The following XKR4 variants were observed in gnomAD, a reference collection of about 807,000 sequenced individuals.
XKR4 encodes the protein XK-related protein 4.
XKR4 carries 12 observed loss-of-function variants against 53.9 expected under a neutral mutation model. That is an observed-to-expected ratio of 0.22 (90% CI 0.14 to 0.36). XKR4 has a LOEUF of 0.36. XKR4 is among the 10% of genes least tolerant of loss of function. XKR4 has a pLI of 1.00. For missense variants in XKR4, 799 were observed against 859.5 expected (o/e 0.93, Z 0.88); for synonymous variants, 354 against 362.4 (o/e 0.98, Z 0.26).
intron 2 of XKR4, among the ~76,000 whole-genome samples, chr8:55,407,985 G>A (rs1212492154): frequency 6.6e-6 from 1 of 152,174 alleles, no homozygotes; most frequent in Non-Finnish European, 1.5e-5. Context: ...TCACTAACCT[G>A]AAGATGTGAT....
intron 2 of XKR4, among the ~76,000 whole-genome samples, chr8:55,468,992 ATATT>A (rs1278357489): frequency 3.3e-5 from 5 of 152,116 alleles, no homozygotes; most frequent in Admixed American, 1.3e-4. Flanking sequence ...CTTGGTTTCC[ATATT>A]TATTGGATTT....
intron 1 of XKR4, among the ~76,000 whole-genome samples, chr8:55,108,723 A>G (rs868851253): frequency 6.6e-6 from 1 of 152,180 alleles, no homozygotes; most frequent in Non-Finnish European, 1.5e-5. Flanking sequence ...ATCCATAGAA[A>G]TATATTCCTT....
intron 2 of XKR4, among the ~76,000 whole-genome samples, chr8:55,431,116 T>C (rs148590438): frequency 1.2e-3 from 183 of 152,064 alleles, no homozygotes; most frequent in Non-Finnish European, 2.0e-3. Flanking sequence ...TGTAAAGGAG[T>C]TTGATTAACT....
At position 55,455,157 on chromosome 8, in the gene XKR4, G is replaced by C. The variant is rs577163351; in HGVS notation, c.1007-68124G>C. On this transcript the variant is annotated intron_variant, in intron 2 of 2. Transcript: ENST00000327381. ...CGCGCCATGGGGAGGGACGCTGGGC[G>C]GGCTCCGCGGCTCGGGGACTCGAGG... 1.6e-5 allele frequency: 9 copies of C among 563,194 alleles called. No homozygotes were observed. The Admixed American group carries it at 2.1e-4, about 13-fold the overall frequency. The allele number at this position is 563,194 out of a possible 1,614,324, so 34.9% of individuals were successfully genotyped here.
chr8:55,451,688 AC>A (rs1805449660), intron 2 of XKR4: 1 of 1,488,222 alleles, frequency 6.7e-7, no homozygotes. Context: ...AGCCCCGGGT[AC>A]CTGCGGTAGA....
In XKR4 at chr8:55,530,850, C is replaced by T. The variant is rs1254058442; in HGVS notation, c.*6623C>T. The T allele has an allele frequency of 6.6e-6, 1 of 152,022 alleles. No individual in the cohort carries two copies. Among genetic ancestry groups the T allele is most frequent in the Non-Finnish European group, 1.5e-5 (1 of 68,014 alleles). 9.4% of individuals were successfully genotyped at this position (152,022 alleles called of 1,614,324 possible). ...CAGGTAATTTTTGTGATCAGGATTA[C>T]ACAATACACTTTTTTTTTTCCCTGA... On this transcript the variant is annotated 3_prime_UTR_variant, in exon 3 of 3. Transcript: ENST00000327381.
At chr8:55,341,081 G>A (rs188884540) in intron 1 of XKR4, among the ~76,000 whole-genome samples, 1 of 152,184 alleles carries the variant, frequency 6.6e-6, no homozygotes, top group African/African-American at 2.4e-5. Context: ...ATCATTGGGG[G>A]TGCTGCGGGG....
chr8:55,103,877 A>G (rs1007318799), intron 1 of XKR4, among the ~76,000 whole-genome samples: 23 of 138,578 alleles, frequency 1.7e-4, no homozygotes, highest in African/African-American at 3.6e-4. Flanking sequence ...ATATATATAT[A>G]TATATATATA....
chr8:55,126,944 A>G (rs1816475233), intron 1 of XKR4, among the ~76,000 whole-genome samples: 2 of 152,200 alleles, frequency 1.3e-5, no homozygotes, highest in Non-Finnish European at 2.9e-5. Context: ...CCTTTTTATA[A>G]AACAAAGAGA....
intron 1 of XKR4, among the ~76,000 whole-genome samples, chr8:55,150,094 A>G (rs546540547): frequency 3.9e-5 from 6 of 152,306 alleles, no homozygotes; most frequent in African/African-American, 1.4e-4. Context: ...ATGTGGGACA[A>G]TATTACCTGG....
At chr8:55,130,160 C>A (rs1393153682) in intron 1 of XKR4, among the ~76,000 whole-genome samples, 3 of 152,098 alleles carry the variant, frequency 2.0e-5, no homozygotes, top group African/African-American at 7.2e-5. Flanking sequence ...AAAGATATAG[C>A]AACTTACATT....
chr8:55,354,874 A>G (rs1754835747), intron 1 of XKR4, among the ~76,000 whole-genome samples: 1 of 152,054 alleles, frequency 6.6e-6, no homozygotes, highest in Admixed American at 6.5e-5. Flanking sequence ...TTTGACACAA[A>G]GGATGATGGA....
chr8:55,330,479 A>T (rs182391789), intron 1 of XKR4, among the ~76,000 whole-genome samples: 23 of 152,314 alleles, frequency 1.5e-4, no homozygotes, highest in Middle Eastern at 3.4e-3. Flanking sequence ...CCCACAGAGT[A>T]AAAAATGGAA....
rs1207112119 is a variant in XKR4, at chr8:55,540,505, A to G, written c.*16278A>G. Reference sequence around the variant, plus strand: ...AAGAGCGCAGAAAGAGACCATAGCTATTCTTGGATGAGAACCTTGCCTCTA... The same window carrying G: ...AAGAGCGCAGAAAGAGACCATAGCTGTTCTTGGATGAGAACCTTGCCTCTA... On this transcript the variant is annotated 3_prime_UTR_variant, in exon 3 of 3. Transcript: ENST00000327381. 1 of 152,192 alleles carries G rather than the reference A, an allele frequency of 6.6e-6. No homozygotes were observed. The highest frequency in any genetic ancestry group is 1.9e-4 in the East Asian group (1 of 5,198). The allele number at this position is 152,192 out of a possible 1,614,324, so 9.4% of individuals were successfully genotyped here.
At chr8:55,354,611 A>G (rs989158733) in intron 1 of XKR4, among the ~76,000 whole-genome samples, 4 of 152,168 alleles carry the variant, frequency 2.6e-5, no homozygotes, top group Non-Finnish European at 5.9e-5. Context: ...AAGTATAGGA[A>G]ACTAAATTAA....
At position 55,415,807 on chromosome 8, in the gene XKR4, G is replaced by A. The variant is rs535619222; in HGVS notation, c.1006+57930G>A. Among the ~76,000 whole-genome samples, 108 of 152,228 alleles carry A rather than the reference G, an allele frequency of 7.1e-4. 1 individual carries two copies. Among genetic ancestry groups the A allele is most frequent in the African/African-American group, 2.5e-3 (104 of 41,532 alleles). On this transcript the variant is annotated intron_variant, in intron 2 of 2. Transcript: ENST00000327381. ...TGCGAGTTAAAAACTGTAGACTTGG[G>A]CATAAGGCTTCAATTCATAGAGTTA...
intron 2 of XKR4, chr8:55,450,071 G>T (rs566459421): frequency 2.4e-5 from 18 of 735,744 alleles, no homozygotes; most frequent in Non-Finnish European, 4.2e-5. Context: ...GCTTCAAGGC[G>T]CCATGCAGCC....
chr8:55,430,185 A>C (rs902162972), intron 2 of XKR4, among the ~76,000 whole-genome samples: 8 of 152,206 alleles, frequency 5.3e-5, no homozygotes, highest in Admixed American at 3.9e-4. Flanking sequence ...GCACCACCCC[A>C]CACACATTGC....
At chr8:55,126,858 A>C (rs1816474334) in intron 1 of XKR4, among the ~76,000 whole-genome samples, 1 of 152,240 alleles carries the variant, frequency 6.6e-6, no homozygotes, top group Non-Finnish European at 1.5e-5. Flanking sequence ...ACTTTGATTT[A>C]TGCAATGTCT....
Sources: allele counts gnomAD v4.1 joint callset (sites outside exome capture counted in the v4.1 genomes callset), GRCh38; gene constraint gnomAD v4.1.1; transcripts MANE v1.5; gene names NCBI Gene and HGNC (gene_info 2026-07-23, HGNC 2026-07-21).